BUB1B: variants seen among roughly 807,000 people sequenced by gnomAD.
BUB1B encodes the protein mitotic checkpoint serine/threonine-protein kinase BUB1 beta.
In BUB1B, 86 loss-of-function variants were observed where a neutral mutation model predicts 137.7. The ratio of observed to expected loss-of-function variants is 0.62; its 90% CI spans 0.52 to 0.75. The LOEUF (loss-of-function observed/expected upper bound fraction) is 0.75, where lower values mean the gene tolerates loss of function less well. Ranked by LOEUF, BUB1B falls within the 30% of genes least tolerant of loss-of-function variation. The probability of loss-of-function intolerance (pLI) is 0.00; values close to 1 mark genes in which losing one functional copy is unlikely to be tolerated. For missense variants in BUB1B, 1,130 were observed against 1,236.9 expected, an observed-to-expected ratio of 0.91 and a Z score of 1.30; for synonymous variants, 420 against 417.9, an observed-to-expected ratio of 1.00 and a Z score of -0.06.
Position 40,180,251 on chromosome 15 carries a change from C to CTTTTTTTTTTTT in BUB1B, c.582-3454_582-3443dup, listed in dbSNP as rs34300396. ...AGAATTCTGGGTCAACGTTTCGTTT[C>CTTTTTTTTTTTT]TTTTTTTTTTTTTTTTTTTTGAGAT... On this transcript the variant is annotated intron_variant, in intron 5 of 22. Transcript: ENST00000287598. Among the ~76,000 whole-genome samples the CTTTTTTTTTTTT allele has an allele frequency of 9.9e-5, 9 of 90,504 alleles. 1 individual carries two copies. The highest frequency in any genetic ancestry group is 3.5e-4 in the South Asian group (1 of 2,832). The allele number at this position is 90,504 out of a possible 152,430, so 59.4% of individuals were successfully genotyped here.
intron 20 of BUB1B, among the ~76,000 whole-genome samples, chr15:40,217,157 C>T (rs1034817776): frequency 6.6e-6 from 1 of 152,136 alleles, no homozygotes; most frequent in Non-Finnish European, 1.5e-5. Context: ...GTGTATAAAT[C>T]ATTGCAATTG....
chr15:40,174,945 C>T (rs1473533344), intron 4 of BUB1B, among the ~76,000 whole-genome samples: 1 of 151,928 alleles, frequency 6.6e-6, no homozygotes, highest in Non-Finnish European at 1.5e-5. Context: ...GCCTGGGCGA[C>T]AGAGTGAGAC....
rs2037686891 is a variant in BUB1B at position 40,209,767 on chromosome 15, T to C, written c.2276T>C (p.Ile759Thr). ...CCTAAGTTGGAAATTGAGAAGGAAATTGAATTAGGTAAGTACCATTGAACT... is the reference window on the plus strand; with the variant it reads ...CCTAAGTTGGAAATTGAGAAGGAAACTGAATTAGGTAAGTACCATTGAACT... ...PMPKLEIEKE[I>T]ELGNEDYCIK... is the part of the protein sequence containing the mutation. The change falls in exon 17 of 23, where the codon ATT (isoleucine) becomes ACT (threonine). Residue 759 changes from isoleucine to threonine, a missense_variant. Physicochemically the swap from Ile to Thr is moderately conservative, Grantham distance 89. Transcript: ENST00000287598. The C allele has an allele frequency of 1.2e-6, 2 of 1,613,970 alleles. No homozygotes were observed. Among genetic ancestry groups the C allele is most frequent in the Non-Finnish European group, 1.7e-6 (2 of 1,179,998 alleles).
intron 19 of BUB1B, 65 bp from the exon 20 acceptor site, chr15:40,213,267 T>C: frequency 6.4e-7 from 1 of 1,562,104 alleles, no homozygotes; most frequent in South Asian, 1.1e-5. Context: ...GTTTTCAAGG[T>C]ATTGAGTATA....
chr15:40,199,826 G>C, intron 10 of BUB1B, 99 bp downstream of exon 10: 1 of 956,276 alleles, frequency 1.0e-6, no homozygotes, highest in Non-Finnish European at 1.6e-6. Flanking sequence ...CCCCCATTTA[G>C]AGTTTCTGGT....
intron 5 of BUB1B, among the ~76,000 whole-genome samples, chr15:40,180,485 C>G (rs2037275515): frequency 6.6e-6 from 1 of 151,622 alleles, no homozygotes; most frequent in Non-Finnish European, 1.5e-5. Context: ...AGGCTGGTCT[C>G]AAACTCCTGA....
rs1381288832 is a variant in BUB1B, at chr15:40,208,663, C to T, written c.2036C>T (p.Ala679Val). Reference sequence around the variant, plus strand: ...CCAATTATTGAAGACAGTCGTGAAGCCACACACTCCTCTGGCTTCTCTGGT... The same window carrying T: ...CCAATTATTGAAGACAGTCGTGAAGTCACACACTCCTCTGGCTTCTCTGGT... ...LSPIIEDSRE[A>V]THSSGFSGSS... Residue 679 changes from alanine (A) to valine (V), a missense_variant, in exon 16 of 23, where the codon GCC becomes GTC. By Grantham distance (64) the Ala-to-Val change is moderately conservative. Transcript: ENST00000287598. 6.2e-7 allele frequency: 1 copy of T among 1,613,822 alleles called. No individual in the cohort carries two copies. Among genetic ancestry groups the T allele is most frequent in the Non-Finnish European group, 8.5e-7 (1 of 1,179,784 alleles).
chr15:40,169,277 T>C (rs1045912662), intron 2 of BUB1B, among the ~76,000 whole-genome samples: 63 of 152,040 alleles, frequency 4.1e-4, no homozygotes, highest in Non-Finnish European at 7.8e-4. Flanking sequence ...CCCATGGAAG[T>C]TTTTTTTGAA....
intron 10 of BUB1B, 117 bp from the exon 11 acceptor site, chr15:40,200,127 C>T: frequency 4.0e-6 from 3 of 758,674 alleles, no homozygotes; most frequent in East Asian, 2.7e-5. Flanking sequence ...GTGGTACACT[C>T]ATTTTGTACT....
intron 2 of BUB1B, among the ~76,000 whole-genome samples, chr15:40,168,956 T>C (rs1412828198): frequency 1.3e-5 from 2 of 152,270 alleles, no homozygotes; most frequent in Admixed American, 1.3e-4. Context: ...TCTTGGCAAC[T>C]GTAATTTAGT....
chr15:40,220,724 AAGTTAACT>A lies in BUB1B; in HGVS notation c.3122_3129del (p.Leu1041SerfsTer10), dbSNP rs1345945081. ...GAACAAAGCCTTATGGAAGGTAGGG[AAGTTAACT>A]AGTCCTGGGGCTTTGCTCTTTCAGT... On this transcript the variant is annotated frameshift_variant, in exon 23 of 23. Coordinates refer to ENST00000287598, the MANE Select transcript of BUB1B (RefSeq NM_001211.6). LOFTEE classifies it high-confidence loss of function. 6.2e-7 allele frequency: 1 copy of A among 1,614,198 alleles called. No individual in the cohort carries two copies. Among genetic ancestry groups the A allele is most frequent in the Admixed American group, 1.7e-5 (1 of 60,016 alleles).
intron 19 of BUB1B, 59 bp from the exon 20 acceptor site, chr15:40,213,273 G>A: frequency 6.3e-7 from 1 of 1,587,750 alleles, no homozygotes; most frequent in Non-Finnish European, 8.6e-7. Context: ...AAGGTATTGA[G>A]TATAACTACG....
intron 8 of BUB1B, among the ~76,000 whole-genome samples, chr15:40,190,854 T>C (rs1030699471): frequency 6.6e-6 from 1 of 151,946 alleles, no homozygotes; most frequent in African/African-American, 2.4e-5. Context: ...TGGGAATATA[T>C]GGGATTTCAT....
intron 8 of BUB1B, among the ~76,000 whole-genome samples, chr15:40,190,073 T>C (rs1200541184): frequency 6.6e-6 from 1 of 152,208 alleles, no homozygotes. Context: ...CCTCCTTATC[T>C]GTAGGGGATA....
chr15:40,179,967 C>CATAT (rs34339420), intron 5 of BUB1B, among the ~76,000 whole-genome samples: 3,657 of 143,508 alleles, frequency 0.025, 54 homozygotes, highest in Middle Eastern at 0.045. Context: ...TTTCAAAAGC[C>CATAT]ATATATATAT....
rs200060772 is a variant in BUB1B, at chr15:40,208,699, C to A, written c.2072C>A (p.Ser691Ter). 1.2e-6 allele frequency: 2 copies of A among 1,613,692 alleles called. No homozygotes were observed. The highest frequency in any genetic ancestry group is 1.7e-6 in the Non-Finnish European group (2 of 1,179,592). Residue 691 changes from serine to a stop codon, truncating the protein, a stop_gained, in exon 16 of 23, where the codon TCG (serine) becomes TAG (stop). Transcript: ENST00000287598. LOFTEE classifies it high-confidence loss of function. ...TCTGGCTTCTCTGGTTCTTCTGCCTCGGTTGCAAGCACCTCCTCCATCAAA... is the reference window on the plus strand; with the variant it reads ...TCTGGCTTCTCTGGTTCTTCTGCCTAGGTTGCAAGCACCTCCTCCATCAAA... The part of the protein sequence containing the change: ...HSSGFSGSSA[S>*]VASTSSIKCL...
intron 8 of BUB1B, among the ~76,000 whole-genome samples, chr15:40,196,209 GC>G (rs1179699062): frequency 7.2e-5 from 11 of 152,106 alleles, no homozygotes; most frequent in African/African-American, 2.7e-4. Flanking sequence ...CTTGTGACTT[GC>G]CAATTATCCC....
At chr15:40,197,796 C>G (rs1265771149) in intron 9 of BUB1B, among the ~76,000 whole-genome samples, 1 of 152,132 alleles carries the variant, frequency 6.6e-6, no homozygotes, top group Non-Finnish European at 1.5e-5. Flanking sequence ...CAAAAGTGCT[C>G]TGGGTTCAAA....
Position 40,218,477 on chromosome 15 carries a change from G to A in BUB1B, c.2872G>A (p.Asp958Asn), listed in dbSNP as rs2037833258. The change falls in exon 22 of 23, where the codon GAT becomes AAT. Residue 958 changes from aspartate (D) to asparagine (N), a missense_variant. Physicochemically the swap from Asp to Asn is conservative, Grantham distance 23 (BLOSUM62 1). Transcript: ENST00000287598. Reference sequence around the variant, plus strand: ...TCAGGTAGACCTGTTTGGTATAGCAGATTTAGCACATTTACTATTGTTCAA... The same window carrying A: ...TCAGGTAGACCTGTTTGGTATAGCAAATTTAGCACATTTACTATTGTTCAA... ...PYQVDLFGIA[D>N]LAHLLLFKEH... 6.2e-7 allele frequency: 1 copy of A among 1,613,972 alleles called. No individual in the cohort carries two copies. Among genetic ancestry groups the A allele is most frequent in the Non-Finnish European group, 8.5e-7 (1 of 1,179,892 alleles).
Sources: allele counts gnomAD v4.1 joint callset (sites outside exome capture counted in the v4.1 genomes callset), GRCh38; gene constraint gnomAD v4.1.1; transcripts MANE v1.5; gene names NCBI Gene and HGNC (gene_info 2026-07-23, HGNC 2026-07-21).